The following ZBBX variants were observed in gnomAD, a reference collection of about 807,000 sequenced individuals.
ZBBX encodes the protein zinc finger B-box domain containing.
In ZBBX, 101 loss-of-function variants were observed where a neutral mutation model predicts 108.5. That is an observed-to-expected ratio of 0.93 (90% CI 0.79 to 1.10). The LOEUF is 1.10. Ranked by LOEUF, ZBBX falls within the 50% of genes least tolerant of loss-of-function variation. ZBBX has a pLI of 0.00. For missense variants in ZBBX, 1,009 were observed against 941.4 expected (o/e 1.07, Z -0.94); for synonymous variants, 356 against 323.4 (o/e 1.10, Z -1.08).
chr3:167,354,123 A>G (rs1347269625), intron 8 of ZBBX, among the ~76,000 whole-genome samples: 3 of 152,010 alleles, frequency 2.0e-5, no homozygotes, highest in Non-Finnish European at 4.4e-5. Flanking sequence ...ATCATCTAAC[A>G]CAAACCTATT....
chr3:167,219,516 G>A, the ZBBX span, among the ~76,000 whole-genome samples: 2,030 of 152,026 alleles, frequency 0.013, 22 homozygotes, highest in South Asian at 0.026. Flanking sequence ...TAAATGATAT[G>A]TTCCTTAATT....
intron 9 of ZBBX, among the ~76,000 whole-genome samples, chr3:167,343,506 C>G (rs1740912697): frequency 6.6e-6 from 1 of 151,866 alleles, no homozygotes; most frequent in East Asian, 1.9e-4. Context: ...GTAATTAGCA[C>G]AGATATAACT....
At chr3:167,366,825 G>A (rs2108571755) in intron 5 of ZBBX, 1 of 455,866 alleles carries the variant, frequency 2.2e-6, no homozygotes, top group African/African-American at 2.0e-5. Flanking sequence ...TGAGTATCAT[G>A]ATCCATTTAG....
At chr3:167,397,310 T>G (rs1748273894) in intron 1 of ZBBX, among the ~76,000 whole-genome samples, 1 of 151,808 alleles carries the variant, frequency 6.6e-6, no homozygotes, top group African/African-American at 2.4e-5. Context: ...ACCCTGAGTT[T>G]GTCAATGTTC....
At chr3:167,297,995 C>T (rs1244158586) in intron 18 of ZBBX, among the ~76,000 whole-genome samples, 3 of 152,004 alleles carry the variant, frequency 2.0e-5, no homozygotes, top group Non-Finnish European at 4.4e-5. Context: ...ACTTATACAG[C>T]TTGCAGAACT....
chr3:167,378,455 A>AT (rs1053991752), intron 2 of ZBBX, among the ~76,000 whole-genome samples: 2 of 152,222 alleles, frequency 1.3e-5, no homozygotes, highest in African/African-American at 4.8e-5. Flanking sequence ...AATTCACTGG[A>AT]TTTAAAGTCA....
intron 18 of ZBBX, among the ~76,000 whole-genome samples, chr3:167,293,733 T>C (rs919227146): frequency 6.6e-6 from 1 of 152,044 alleles, no homozygotes; most frequent in Non-Finnish European, 1.5e-5. Flanking sequence ...GAGTATTCAA[T>C]TAGGAAAAGA....
At chr3:167,197,883 G>C in the ZBBX span, among the ~76,000 whole-genome samples, 9 of 152,152 alleles carry the variant, frequency 5.9e-5, no homozygotes, top group African/African-American at 2.2e-4. Flanking sequence ...TATGTGTCCA[G>C]ATATTTGATC....
At position 167,366,010 on chromosome 3, in the gene ZBBX, A is replaced by ACTGT. The variant is rs777901267; in HGVS notation, c.183-35_183-34insACAG. On this transcript the variant is annotated intron_variant, in intron 5 of 21. Coordinates refer to ENST00000675490, the MANE Select transcript of ZBBX (RefSeq NM_001199201.2). ...TATATAAACAAGATAAAATGTAATCACTAAACACATTTCTCCCTTTAATGA... is the reference window on the plus strand; with the variant it reads ...TATATAAACAAGATAAAATGTAATCACTGTCTAAACACATTTCTCCCTTTAATGA... 4 of 1,474,254 alleles carry ACTGT rather than the reference A, an allele frequency of 2.7e-6. No individual in the cohort carries two copies. The East Asian group carries it at 9.1e-5, about 34-fold the overall frequency. 91.3% of individuals were successfully genotyped at this position (1,474,254 alleles called of 1,614,324 possible).
intron 16 of ZBBX, among the ~76,000 whole-genome samples, chr3:167,311,440 A>T (rs1380801604): frequency 6.6e-6 from 1 of 152,166 alleles, no homozygotes; most frequent in Non-Finnish European, 1.5e-5. Flanking sequence ...TTGATAAGCT[A>T]AACTTTATTA....
At chr3:167,271,153 T>C (rs1186072021) in intron 20 of ZBBX, among the ~76,000 whole-genome samples, 1 of 152,172 alleles carries the variant, frequency 6.6e-6, no homozygotes, top group Non-Finnish European at 1.5e-5. Context: ...TCCATATTGA[T>C]TCTAAATATG....
the ZBBX span, among the ~76,000 whole-genome samples, chr3:167,198,199 A>T: frequency 6.6e-6 from 1 of 152,040 alleles, no homozygotes; most frequent in African/African-American, 2.4e-5. Flanking sequence ...ATGTTCTGAT[A>T]GTGTTATATC....
At chr3:167,261,111 G>C (rs565087162) in intron 20 of ZBBX, among the ~76,000 whole-genome samples, 17 of 152,140 alleles carry the variant, frequency 1.1e-4, no homozygotes, top group African/African-American at 3.9e-4. Context: ...TCCGGGTCTA[G>C]CCACCCAGAG....
chr3:167,218,629 C>T, the ZBBX span, among the ~76,000 whole-genome samples: 3 of 151,388 alleles, frequency 2.0e-5, no homozygotes, highest in African/African-American at 7.3e-5. Flanking sequence ...ACAACAGATA[C>T]ACAAAAAAAT....
upstream of ZBBX, among the ~76,000 whole-genome samples, chr3:167,381,521 GCTATTA>G (rs1309262520): frequency 6.6e-6 from 1 of 152,184 alleles, no homozygotes; most frequent in Non-Finnish European, 1.5e-5. Flanking sequence ...TATGATGGTT[GCTATTA>G]ACGTGTTCAT....
chr3:167,328,425 T>C (rs1737798171), intron 10 of ZBBX, among the ~76,000 whole-genome samples: 1 of 152,112 alleles, frequency 6.6e-6, no homozygotes, highest in African/African-American at 2.4e-5. Flanking sequence ...AATTGCCTTG[T>C]ATCCATTCTC....
intron 20 of ZBBX, 58 bp downstream of exon 20, chr3:167,282,180 T>A (rs1728920944): frequency 2.7e-5 from 41 of 1,509,024 alleles, no homozygotes; most frequent in Non-Finnish European, 2.9e-5. Flanking sequence ...ATATGAAGAA[T>A]CCGGCTGAGG....
At chr3:167,302,426 C>T (rs1732862058) in intron 17 of ZBBX, among the ~76,000 whole-genome samples, 1 of 152,064 alleles carries the variant, frequency 6.6e-6, no homozygotes, top group Admixed American at 6.6e-5. Flanking sequence ...CCCCTTTACC[C>T]TGATAATGTT....
At chr3:167,214,157 C>T in the ZBBX span, among the ~76,000 whole-genome samples, 8 of 152,170 alleles carry the variant, frequency 5.3e-5, no homozygotes, top group South Asian at 1.7e-3. Flanking sequence ...GCTAAGGGCA[C>T]AATGACATAT....
Sources: allele counts gnomAD v4.1 joint callset (sites outside exome capture counted in the v4.1 genomes callset), GRCh38; gene constraint gnomAD v4.1.1; transcripts MANE v1.5; gene names NCBI Gene and HGNC (gene_info 2026-07-23, HGNC 2026-07-21).